CRADD: variants seen among roughly 807,000 people sequenced by gnomAD.
CRADD encodes CARD and death domain containing adaptor protein.
Under a neutral mutation model 15.5 loss-of-function variants are expected in CRADD, and 9 were observed. That is an observed-to-expected ratio of 0.58 (90% CI 0.35 to 1.01). CRADD has a LOEUF of 1.01. CRADD is among the 50% of genes least tolerant of loss of function. The pLI, the probability that CRADD is intolerant of heterozygous loss-of-function variation, is 0.02. For missense variants in CRADD, 227 were observed against 250.3 expected (o/e 0.91, Z 0.63); for synonymous variants, 118 against 107.6 (o/e 1.10, Z -0.60).
At chr12:93,808,538 C>T (rs989148072) in intron 2 of CRADD, among the ~76,000 whole-genome samples, 1 of 152,048 alleles carries the variant, frequency 6.6e-6, no homozygotes, top group Non-Finnish European at 1.5e-5. Context: ...TTTTATTATC[C>T]CATGAGAACA....
intron 2 of CRADD, among the ~76,000 whole-genome samples, chr12:93,742,004 C>T (rs1429419943): frequency 6.6e-6 from 1 of 152,062 alleles, no homozygotes; most frequent in Non-Finnish European, 1.5e-5. Flanking sequence ...ATGGAAAGTT[C>T]TCGACTGTAA....
chr12:93,766,968 C>T (rs373003479), intron 2 of CRADD, among the ~76,000 whole-genome samples: 4 of 152,246 alleles, frequency 2.6e-5, no homozygotes, highest in African/African-American at 9.6e-5. Context: ...GCCAAGGACT[C>T]GTGGTTTCAA....
At chr12:93,881,645 T>G (rs1958503435) in intron 2 of CRADD, among the ~76,000 whole-genome samples, 1 of 152,140 alleles carries the variant, frequency 6.6e-6, no homozygotes. Context: ...TGGGTCACAA[T>G]TTGGACTTTT....
chr12:93,692,371 A>G (rs1434388693), intron 2 of CRADD, among the ~76,000 whole-genome samples: 1 of 152,220 alleles, frequency 6.6e-6, no homozygotes, highest in Admixed American at 6.5e-5. Context: ...AGGTACAGGA[A>G]GGTCAAAGTC....
intron 2 of CRADD, among the ~76,000 whole-genome samples, chr12:93,739,597 T>C (rs1270251450): frequency 1.3e-5 from 2 of 152,066 alleles, no homozygotes; most frequent in African/African-American, 4.8e-5. Flanking sequence ...TCTATTATTT[T>C]GGTTCTCAGA....
At chr12:93,883,062 A>G (rs1593060551) in intron 2 of CRADD, among the ~76,000 whole-genome samples, 1 of 152,228 alleles carries the variant, frequency 6.6e-6, no homozygotes, top group East Asian at 1.9e-4. Flanking sequence ...ATTCAGCATA[A>G]TTAAGCATAA....
At chr12:93,888,993 C>T (rs1050537465) in intron 2 of CRADD, among the ~76,000 whole-genome samples, 1 of 152,024 alleles carries the variant, frequency 6.6e-6, no homozygotes, top group Non-Finnish European at 1.5e-5. Context: ...TGGGGTACAG[C>T]CAAGGGGAGC....
rs1001884764 is a variant in CRADD at position 93,689,853 on chromosome 12, G to A, written c.298+10781G>A. On this transcript the variant is annotated intron_variant, in intron 2 of 2. Coordinates refer to ENST00000332896, the MANE Select transcript of CRADD (RefSeq NM_003805.5). The stretch of plus-strand genomic sequence containing the variant: ...TGGAGAATTATAGATCAAGTAGAGC[G>A]TATCTGCAGTGACTTGTCCTGTTGC... Among the ~76,000 whole-genome samples the A allele has an allele frequency of 3.9e-5, 6 of 152,304 alleles. No homozygotes were observed. In the East Asian group the frequency reaches 9.6e-4, roughly 24 times the overall value.
chr12:93,884,857 A>AGAGG (rs1427485679), intron 2 of CRADD, among the ~76,000 whole-genome samples: 1 of 152,152 alleles, frequency 6.6e-6, no homozygotes. Context: ...GGAGAATCAG[A>AGAGG]GAGGGGGCTG....
intron 2 of CRADD, among the ~76,000 whole-genome samples, chr12:93,864,200 T>C (rs1184468897): frequency 6.6e-6 from 1 of 152,168 alleles, no homozygotes; most frequent in African/African-American, 2.4e-5. Context: ...ATTACAGGTG[T>C]GTGTCACCAC....
chr12:93,679,003 C>A lies in CRADD; in HGVS notation c.229C>A (p.Gln77Lys). 1 of 1,614,052 alleles carries A rather than the reference C, an allele frequency of 6.2e-7. No homozygotes were observed. The highest frequency in any genetic ancestry group is 8.5e-7 in the Non-Finnish European group (1 of 1,179,906). The part of the protein sequence containing the change: ...KAFDTFLDSL[Q>K]EFPWVREKLK... The stretch of plus-strand genomic sequence containing the variant: ...ATTTGATACATTCCTAGATTCCCTA[C>A]AGGAGTTTCCCTGGGTCAGGGAGAA... Residue 77 changes from glutamine (Q) to lysine (K), a missense_variant, in exon 2 of 3, where the codon CAG (glutamine) becomes AAG (lysine). Gln to Lys is a moderately conservative substitution (Grantham distance 53). Coordinates refer to ENST00000332896, the MANE Select transcript of CRADD (RefSeq NM_003805.5).
intron 2 of CRADD, among the ~76,000 whole-genome samples, chr12:93,809,980 A>G (rs1338851439): frequency 6.6e-6 from 1 of 152,208 alleles, no homozygotes; most frequent in Non-Finnish European, 1.5e-5. Flanking sequence ...ACAACTGAAA[A>G]GTTGTACAAA....
intron 2 of CRADD, among the ~76,000 whole-genome samples, chr12:93,731,612 G>A (rs1430532639): frequency 1.3e-5 from 2 of 152,192 alleles, no homozygotes; most frequent in Non-Finnish European, 2.9e-5. Flanking sequence ...TGCCCAATCA[G>A]TAGATCAAGA....
chr12:93,720,529 A>C (rs1302586208), intron 2 of CRADD, among the ~76,000 whole-genome samples: 1 of 152,204 alleles, frequency 6.6e-6, no homozygotes, highest in Non-Finnish European at 1.5e-5. Context: ...TCCAAATGTA[A>C]TAGTGGATTC....
chr12:93,842,922 C>T (rs947061228), intron 2 of CRADD, among the ~76,000 whole-genome samples: 22 of 151,934 alleles, frequency 1.4e-4, no homozygotes, highest in Admixed American at 6.6e-5. Flanking sequence ...TTGAAACCGA[C>T]GAGTTTCACT....
chr12:93,729,591 GC>G (rs1402340864), intron 2 of CRADD, among the ~76,000 whole-genome samples: 1 of 152,022 alleles, frequency 6.6e-6, no homozygotes, highest in African/African-American at 2.4e-5. Flanking sequence ...TTTGAGACCA[GC>G]CTGACCAACA....
At chr12:93,888,143 A>C (rs978824199) in intron 2 of CRADD, among the ~76,000 whole-genome samples, 1 of 152,280 alleles carries the variant, frequency 6.6e-6, no homozygotes, top group East Asian at 1.9e-4. Flanking sequence ...TAGAGATGGC[A>C]GGCCGGGCGC....
intron 2 of CRADD, among the ~76,000 whole-genome samples, chr12:93,870,327 C>T (rs1958407563): frequency 6.6e-6 from 1 of 152,188 alleles, no homozygotes; most frequent in African/African-American, 2.4e-5. Context: ...CCATGACTTG[C>T]TCATTCCATG....
chr12:93,865,506 C>T (rs930226305), intron 2 of CRADD, among the ~76,000 whole-genome samples: 3 of 152,188 alleles, frequency 2.0e-5, no homozygotes, highest in Non-Finnish European at 2.9e-5. Flanking sequence ...GTAGCCTCAA[C>T]CTCCTCGGCT....
Sources: gnomAD v4.1 joint callset for allele counts (sites outside exome capture counted in the v4.1 genomes callset) on GRCh38, gnomAD v4.1.1 for gene constraint, MANE v1.5 for transcripts, NCBI Gene and HGNC (gene_info 2026-07-23, HGNC 2026-07-21) for gene names.